STAMBPL1: variants seen among roughly 807,000 people sequenced by gnomAD.
STAMBPL1 encodes AMSH-like protease.
In STAMBPL1, 44 loss-of-function variants were observed where a neutral mutation model predicts 52.9. The ratio of observed to expected loss-of-function variants is 0.83; its 90% CI spans 0.65 to 1.07. The LOEUF is 1.07. Among genes scored for constraint, STAMBPL1 ranks in the 50% least tolerant of loss-of-function variants. STAMBPL1 has a pLI of 0.00. For missense variants in STAMBPL1, 511 were observed against 520.8 expected (o/e 0.98, Z 0.18); for synonymous variants, 164 against 177.3 (o/e 0.92, Z 0.60).
chr10:88,890,459 C>G (rs1324972614), intron 1 of STAMBPL1, among the ~76,000 whole-genome samples: 1 of 152,184 alleles, frequency 6.6e-6, no homozygotes, highest in African/African-American at 2.4e-5. Flanking sequence ...ATTAAGGAGC[C>G]TCCCCGCAAA....
At chr10:88,889,735 C>T (rs1239452473) in intron 1 of STAMBPL1, among the ~76,000 whole-genome samples, 1 of 152,178 alleles carries the variant, frequency 6.6e-6, no homozygotes, top group African/African-American at 2.4e-5. Flanking sequence ...TGCAAAACCA[C>T]AGTAGTCATC....
chr10:88,916,696 C>T lies in STAMBPL1; in HGVS notation c.920C>T (p.Thr307Ile). The change falls in exon 8 of 11, where the codon ACT becomes ATT. Residue 307 changes from threonine to isoleucine, a missense_variant. Thr to Ile is a moderately conservative substitution (Grantham distance 89). Coordinates refer to ENST00000371926, the MANE Select transcript of STAMBPL1 (RefSeq NM_020799.4). ...GTTTTTTAGACACATAATGAATTTA[C>T]TATTACCCATGTAATTGTGCCAAAG... ...LCGKLTHNEF[T>I]ITHVIVPKQS... The T allele has an allele frequency of 6.2e-7, 1 of 1,601,468 alleles. No homozygotes were observed. Among genetic ancestry groups the T allele is most frequent in the Non-Finnish European group, 8.5e-7 (1 of 1,174,728 alleles).
chr10:88,912,500 C>T (rs1002971132), intron 5 of STAMBPL1: 1 of 152,062 alleles, frequency 6.6e-6, no homozygotes, highest in African/African-American at 2.4e-5. Flanking sequence ...CCTTCTTATC[C>T]ATAAATTTCC....
chr10:88,905,344 T>C, intron 2 of STAMBPL1, 99 bp from the exon 3 acceptor site: 3 of 897,810 alleles, frequency 3.3e-6, no homozygotes, highest in East Asian at 5.0e-5. Context: ...TAGGTAATGG[T>C]GTTAGGTTCC....
In STAMBPL1 at chr10:88,901,699, A is replaced by C; in HGVS notation, c.-10A>C. On this transcript the variant is annotated 5_prime_UTR_variant, in exon 2 of 11. Transcript: ENST00000371926. The stretch of plus-strand genomic sequence containing the variant: ...AACAGTGAACATCCTCATTTCACAG[A>C]TAAGACAACATGGATCAGCCTTTTA... The C allele has an allele frequency of 1.2e-6, 2 of 1,610,768 alleles. No individual in the cohort carries two copies. The highest frequency in any genetic ancestry group is 1.7e-6 in the Non-Finnish European group (2 of 1,178,618).
chr10:88,917,116 TAGAA>T (rs1294992956), intron 8 of STAMBPL1, among the ~76,000 whole-genome samples: 6 of 152,234 alleles, frequency 3.9e-5, no homozygotes, highest in African/African-American at 7.2e-5. Context: ...TTAAAAGACA[TAGAA>T]AGAAAGCGAG....
intron 1 of STAMBPL1, among the ~76,000 whole-genome samples, chr10:88,894,467 AAGATAAAAGGCATTTTG>A (rs1844764265): frequency 6.6e-6 from 1 of 152,224 alleles, no homozygotes. Context: ...TAGAAAAAAC[AAGATAAAAGGCATTTTG>A]AGCAGCAAAA....
chr10:88,921,148 G>T, intron 8 of STAMBPL1, 135 bp from the exon 9 acceptor site: 2 of 642,356 alleles, frequency 3.1e-6, no homozygotes, highest in Non-Finnish European at 5.1e-6. Context: ...GATTATGTCA[G>T]CAAAACCTTT....
chr10:88,893,194 A>T lies in STAMBPL1; in HGVS notation c.-53-8462A>T, dbSNP rs557165336. Among the ~76,000 whole-genome samples the T allele has an allele frequency of 9.9e-4, 151 of 152,334 alleles. 1 individual carries two copies. Among genetic ancestry groups the T allele is most frequent in the Non-Finnish European group, 1.6e-3 (112 of 68,030 alleles). ...GTACAAATATGAATCTCTCTCCAGCACCTCAAATTCATTTGCCAAGTGTTT... is the reference window on the plus strand; with the variant it reads ...GTACAAATATGAATCTCTCTCCAGCTCCTCAAATTCATTTGCCAAGTGTTT... On this transcript the variant is annotated intron_variant, in intron 1 of 10. Coordinates refer to ENST00000371926, the MANE Select transcript of STAMBPL1 (RefSeq NM_020799.4).
rs1487652333 is a variant in STAMBPL1 at position 88,880,586 on chromosome 10, G to C, written c.-106G>C. 1 of 152,256 alleles carries C rather than the reference G, an allele frequency of 6.6e-6. No individual in the cohort carries two copies. Among genetic ancestry groups the C allele is most frequent in the Admixed American group, 6.5e-5 (1 of 15,296 alleles). The allele number at this position is 152,256 out of a possible 1,614,324, so 9.4% of individuals were successfully genotyped here. A position where few individuals can be genotyped will look rare whatever the true frequency, so the allele number is the denominator to read the frequency against. ...GCCAAGGCCACACGGCAGCCACGGG[G>C]GCAGCCGTCGCAGTCGCCGTCCCAC... On this transcript the variant is annotated 5_prime_UTR_variant, in exon 1 of 11. Transcript: ENST00000371926.
intron 4 of STAMBPL1, 73 bp from the exon 5 acceptor site, chr10:88,910,843 T>G: frequency 9.0e-7 from 1 of 1,105,416 alleles, no homozygotes; most frequent in East Asian, 2.8e-5. Flanking sequence ...CAGCTGTTTT[T>G]CTTTCTCACC....
At chr10:88,892,366 G>GTGTGTGTGTGTGTGTGTGTA (rs1844710042) in intron 1 of STAMBPL1, among the ~76,000 whole-genome samples, 2 of 151,958 alleles carry the variant, frequency 1.3e-5, no homozygotes, top group African/African-American at 4.8e-5. Flanking sequence ...GTGTGTGTGT[G>GTGTGTGTGTGTGTGTGTGTA]TGTGTGTGTG....
At chr10:88,890,163 T>G (rs1844642219) in intron 1 of STAMBPL1, among the ~76,000 whole-genome samples, 1 of 152,210 alleles carries the variant, frequency 6.6e-6, no homozygotes, top group Non-Finnish European at 1.5e-5. Flanking sequence ...TCTAAGCAAC[T>G]GAAAGAAGCC....
chr10:88,906,443 T>A (rs1476913409), intron 3 of STAMBPL1, among the ~76,000 whole-genome samples: 1 of 152,242 alleles, frequency 6.6e-6, no homozygotes, highest in African/African-American at 2.4e-5. Context: ...TTCTTTTTTT[T>A]AATTGAAAGT....
chr10:88,916,803 C>A lies in STAMBPL1; in HGVS notation c.1027C>A (p.Leu343Ile), dbSNP rs760206830. 2 of 1,597,622 alleles carry A rather than the reference C, an allele frequency of 1.3e-6. 1 individual carries two copies. Among genetic ancestry groups the A allele is most frequent in the South Asian group, 2.3e-5 (2 of 87,864 alleles). The part of the protein sequence containing the change: ...NVQDQHDLLT[L>I]GWIHTHPTQT... ...TCAGGATCAACATGATCTCCTCACT[C>A]TAGGATGGATCCATGTACGTTTGAC... is the stretch of plus-strand genomic sequence containing the variant. Residue 343 changes from leucine to isoleucine, a missense_variant, in exon 8 of 11, where the codon CTA becomes ATA. By Grantham distance (5) the Leu-to-Ile change is conservative (BLOSUM62 2). This residue lies in a region of STAMBPL1 where 137 missense variants were observed against 139.9 expected (regional missense o/e 0.98). Transcript: ENST00000371926.
intron 1 of STAMBPL1, among the ~76,000 whole-genome samples, chr10:88,881,093 A>T (rs577175545): frequency 6.6e-6 from 1 of 151,714 alleles, no homozygotes; most frequent in East Asian, 1.9e-4. Flanking sequence ...ACGGACCTTT[A>T]CCCCGGCCGA....
chr10:88,909,869 A>T (rs1589371165), intron 4 of STAMBPL1, among the ~76,000 whole-genome samples: 1 of 152,094 alleles, frequency 6.6e-6, no homozygotes, highest in Non-Finnish European at 1.5e-5. Context: ...CCAAAGTGTT[A>T]GGATTACAGG....
chr10:88,891,758 T>C (rs1187938281), intron 1 of STAMBPL1, among the ~76,000 whole-genome samples: 3 of 152,202 alleles, frequency 2.0e-5, no homozygotes, highest in South Asian at 4.2e-4. Flanking sequence ...GTGTAGATAA[T>C]TGTTTATTAT....
intron 1 of STAMBPL1, among the ~76,000 whole-genome samples, chr10:88,886,592 AG>A (rs1844539993): frequency 6.6e-6 from 1 of 152,126 alleles, no homozygotes; most frequent in South Asian, 2.1e-4. Context: ...ATTCAGCAAA[AG>A]CTCAAGCAAG....
Sources: gnomAD v4.1 joint callset for allele counts (sites outside exome capture counted in the v4.1 genomes callset) on GRCh38, gnomAD v4.1.1 for gene constraint, gnomAD v4.1.1 regional missense constraint, MANE v1.5 for transcripts, NCBI Gene and HGNC (gene_info 2026-07-23, HGNC 2026-07-21) for gene names.